Variants in GPC6 observed in about 807,000 individuals in gnomAD.
The protein encoded by GPC6 is glypican 6.
GPC6 carries 14 observed loss-of-function variants against 55.2 expected under a neutral mutation model. The ratio of observed to expected loss-of-function variants is 0.25; its 90% CI spans 0.17 to 0.40. The LOEUF (loss-of-function observed/expected upper bound fraction) is 0.40. Among genes scored for constraint, GPC6 ranks in the 10% least tolerant of loss-of-function variants. GPC6 has a pLI of 1.00. For missense variants in GPC6, 641 were observed against 708.5 expected, an observed-to-expected ratio of 0.90 and a Z score of 1.08; for synonymous variants, 278 against 259.6, an observed-to-expected ratio of 1.07 and a Z score of -0.68.
intron 3 of GPC6, among the ~76,000 whole-genome samples, chr13:93,866,875 T>C (rs555884782): frequency 1.3e-5 from 2 of 151,850 alleles, no homozygotes; most frequent in South Asian, 4.1e-4. Flanking sequence ...TAAAAGTTTT[T>C]CTAAAAATTG....
intron 1 of GPC6, among the ~76,000 whole-genome samples, chr13:93,329,698 T>A (rs1879773254): frequency 6.6e-6 from 1 of 152,140 alleles, no homozygotes; most frequent in Non-Finnish European, 1.5e-5. Context: ...CTTATGGTAG[T>A]CTTCCAGGCT....
intron 1 of GPC6, among the ~76,000 whole-genome samples, chr13:93,358,766 T>C (rs1387261327): frequency 1.3e-5 from 2 of 152,148 alleles, no homozygotes; most frequent in East Asian, 3.9e-4. Context: ...TAAATTTAAC[T>C]ATATATTCAT....
intron 3 of GPC6, among the ~76,000 whole-genome samples, chr13:93,980,256 C>T (rs1350209012): frequency 6.6e-6 from 1 of 152,052 alleles, no homozygotes; most frequent in African/African-American, 2.4e-5. Context: ...TGGCTCAGTG[C>T]ATATGGAAAA....
intron 3 of GPC6, among the ~76,000 whole-genome samples, chr13:93,958,820 G>A (rs927917708): frequency 2.0e-5 from 3 of 152,230 alleles, no homozygotes; most frequent in South Asian, 2.1e-4. Flanking sequence ...CCATGAGCAT[G>A]GAATGTTTTT....
chr13:93,500,606 G>A (rs764576056), intron 1 of GPC6, among the ~76,000 whole-genome samples: 22 of 152,012 alleles, frequency 1.4e-4, no homozygotes, highest in East Asian at 5.8e-4. Context: ...ACATTAACTC[G>A]TATGTTTTAT....
chr13:94,097,117 T>A (rs1055762255), intron 4 of GPC6, among the ~76,000 whole-genome samples: 2 of 151,830 alleles, frequency 1.3e-5, no homozygotes, highest in African/African-American at 4.8e-5. Flanking sequence ...TCATTAACAT[T>A]TGAGGTAAAG....
chr13:93,258,216 A>C (rs1038998433), intron 1 of GPC6, among the ~76,000 whole-genome samples: 3 of 152,204 alleles, frequency 2.0e-5, no homozygotes, highest in African/African-American at 7.2e-5. Flanking sequence ...GTGTGGGTAC[A>C]TGACCTACAA....
At chr13:93,942,359 A>G (rs1157460755) in intron 3 of GPC6, among the ~76,000 whole-genome samples, 1 of 152,116 alleles carries the variant, frequency 6.6e-6, no homozygotes, top group East Asian at 1.9e-4. Context: ...TCACTCTGTC[A>G]CCCAGGCTGG....
intron 3 of GPC6, among the ~76,000 whole-genome samples, chr13:93,984,222 C>T (rs377496102): frequency 8.9e-4 from 135 of 152,136 alleles, no homozygotes; most frequent in African/African-American, 3.2e-3. Context: ...CATCACAGGG[C>T]TCTGAAAGCT....
At chr13:93,948,000 A>G (rs1879089026) in intron 3 of GPC6, among the ~76,000 whole-genome samples, 3 of 152,160 alleles carry the variant, frequency 2.0e-5, no homozygotes, top group Admixed American at 2.0e-4. Flanking sequence ...ATTATTTGGC[A>G]ATATTATTGT....
At chr13:94,031,064 A>ATGTGCG (rs112068282) in intron 4 of GPC6, among the ~76,000 whole-genome samples, 13 of 148,342 alleles carry the variant, frequency 8.8e-5, no homozygotes, top group Admixed American at 1.3e-4. Context: ...GTGCGTGTGC[A>ATGTGCG]TGTGCGTGTG....
At chr13:93,447,669 A>G (rs1389480593) in intron 1 of GPC6, among the ~76,000 whole-genome samples, 1 of 152,252 alleles carries the variant, frequency 6.6e-6, no homozygotes, top group East Asian at 1.9e-4. Context: ...ATGAAATGTT[A>G]TATAAACTAA....
intron 4 of GPC6, among the ~76,000 whole-genome samples, chr13:94,091,908 T>TTGTGTG (rs61061006): frequency 0.2 from 28,977 of 148,254 alleles, 3,385 homozygotes; most frequent in African/African-American, 0.32. Flanking sequence ...GTGTGTGTGT[T>TTGTGTG]TGTGTGTGTG....
At chr13:93,997,158 T>C (rs2140420829) in intron 3 of GPC6, among the ~76,000 whole-genome samples, 1 of 152,282 alleles carries the variant, frequency 6.6e-6, no homozygotes, top group South Asian at 2.1e-4. Flanking sequence ...AGTAACATCT[T>C]TTACCAGTAG....
chr13:93,488,513 T>C (rs913974769), intron 1 of GPC6, among the ~76,000 whole-genome samples: 45 of 152,196 alleles, frequency 3.0e-4, no homozygotes, highest in African/African-American at 9.9e-4. Flanking sequence ...TCAAATGGTA[T>C]TTCTAGTTTT....
At position 93,960,839 on chromosome 13, in the gene GPC6, G is replaced by A. The variant is rs531555914; in HGVS notation, c.712-66890G>A. Among the ~76,000 whole-genome samples, 126 of 140,978 alleles carry A rather than the reference G, an allele frequency of 8.9e-4. 1 individual carries two copies. The highest frequency in any genetic ancestry group is 3.2e-3 in the African/African-American group (121 of 37,786). 92.5% of individuals were successfully genotyped at this position (140,978 alleles called of 152,430 possible). On this transcript the variant is annotated intron_variant, in intron 3 of 8. Coordinates refer to ENST00000377047, the MANE Select transcript of GPC6 (RefSeq NM_005708.5). Reference sequence around the variant, plus strand: ...TCTTTTTTTTTTTTTTTGAGACAGAGTCTTGCTCTGTCGCCCAGGCTAGAG... The same window carrying A: ...TCTTTTTTTTTTTTTTTGAGACAGAATCTTGCTCTGTCGCCCAGGCTAGAG...
intron 1 of GPC6, among the ~76,000 whole-genome samples, chr13:93,321,537 T>A (rs1041494229): frequency 3.3e-5 from 5 of 152,224 alleles, no homozygotes; most frequent in Admixed American, 2.6e-4. Context: ...AGAACTGTAG[T>A]TGAATGAATT....
chr13:93,431,207 T>C (rs1305182065), intron 1 of GPC6, among the ~76,000 whole-genome samples: 2 of 152,114 alleles, frequency 1.3e-5, no homozygotes, highest in African/African-American at 4.8e-5. Flanking sequence ...TACACTAACC[T>C]AACATTTCTC....
chr13:94,035,365 C>T (rs1479455139), intron 4 of GPC6, among the ~76,000 whole-genome samples: 1 of 151,988 alleles, frequency 6.6e-6, no homozygotes, highest in African/African-American at 2.4e-5. Flanking sequence ...CACATTAGCC[C>T]AATGACATTC....
Sources: gnomAD v4.1 joint callset for allele counts (sites outside exome capture counted in the v4.1 genomes callset) on GRCh38, gnomAD v4.1.1 for gene constraint, MANE v1.5 for transcripts, NCBI Gene and HGNC (gene_info 2026-07-23, HGNC 2026-07-21) for gene names.